Variants in B4GALT6 observed in about 807,000 individuals in gnomAD.
The protein encoded by B4GALT6 is UDP-Gal:beta-GlcNAc beta-1,4-galactosyltransferase 6.
A neutral mutation model predicts 46.3 loss-of-function variants in B4GALT6; 14 were observed. The observed-to-expected ratio is 0.30, with a 90% CI of 0.20 to 0.47. The LOEUF is 0.47. B4GALT6 is among the 20% of genes least tolerant of loss of function. B4GALT6 has a pLI of 0.99. For missense variants in B4GALT6, 386 were observed against 480.1 expected (o/e 0.80, Z 1.83); for synonymous variants, 168 against 162.0 (o/e 1.04, Z -0.28).
intron 1 of B4GALT6, among the ~76,000 whole-genome samples, chr18:31,681,915 T>C (rs1473326025): frequency 5.3e-5 from 8 of 152,236 alleles, no homozygotes; most frequent in African/African-American, 1.9e-4. Flanking sequence ...CAGGCTAAAA[T>C]ATGAATTATT....
chr18:31,645,628 C>T (rs1229653202), intron 3 of B4GALT6, 149 bp from the exon 4 acceptor site: 2 of 676,856 alleles, frequency 3.0e-6, no homozygotes, highest in Non-Finnish European at 4.7e-6. Flanking sequence ...ATGAATAGCG[C>T]TCCCTTTCAC....
chr18:31,709,434 C>CATATATATATATATATATATAT, the B4GALT6 span, among the ~76,000 whole-genome samples: 55 of 130,940 alleles, frequency 4.2e-4, no homozygotes, highest in African/African-American at 1.6e-3. Context: ...GCAATTCATA[C>CATATATATATATATATATATAT]ATATATATAT....
At chr18:31,696,553 T>G in the B4GALT6 span, among the ~76,000 whole-genome samples, 1 of 152,226 alleles carries the variant, frequency 6.6e-6, no homozygotes. Context: ...TCTAAAATTA[T>G]TGGTGTCTGT....
chr18:31,690,591 C>T (rs2030075211), upstream of B4GALT6, among the ~76,000 whole-genome samples: 5 of 152,252 alleles, frequency 3.3e-5, no homozygotes, highest in South Asian at 1.0e-3. Flanking sequence ...TGGCCTCAGC[C>T]TCCCAAGTAG....
At chr18:31,669,198 G>C (rs1197071543) in intron 1 of B4GALT6, among the ~76,000 whole-genome samples, 1 of 152,092 alleles carries the variant, frequency 6.6e-6, no homozygotes, top group Non-Finnish European at 1.5e-5. Flanking sequence ...GTTTCATTGA[G>C]ATATTCAAAT....
At chr18:31,654,549 C>A (rs2074115357) in intron 3 of B4GALT6, among the ~76,000 whole-genome samples, 1 of 152,182 alleles carries the variant, frequency 6.6e-6, no homozygotes. Flanking sequence ...ATGTATGAAA[C>A]ACATTTTATC....
At chr18:31,690,798 A>C (rs942967031), upstream of B4GALT6, among the ~76,000 whole-genome samples, 7 of 152,062 alleles carry the variant, frequency 4.6e-5, no homozygotes, top group African/African-American at 1.7e-4. Flanking sequence ...TTAAAAAGTC[A>C]TTTTCTTACT....
the B4GALT6 span, among the ~76,000 whole-genome samples, chr18:31,706,239 C>T: frequency 6.6e-6 from 1 of 152,058 alleles, no homozygotes; most frequent in African/African-American, 2.4e-5. Context: ...ATTCATAATA[C>T]ATACAGGCAA....
chr18:31,679,813 T>C (rs1247969751), intron 1 of B4GALT6, among the ~76,000 whole-genome samples: 1 of 152,190 alleles, frequency 6.6e-6, no homozygotes, highest in African/African-American at 2.4e-5. Context: ...TATTAATAGC[T>C]ACCTGAATGT....
chr18:31,720,865 T>G, the B4GALT6 span, among the ~76,000 whole-genome samples: 1 of 152,146 alleles, frequency 6.6e-6, no homozygotes, highest in Non-Finnish European at 1.5e-5. Flanking sequence ...ATCTGGGATA[T>G]GCAGGCTTTG....
In B4GALT6 at chr18:31,638,652, T is replaced by C. The variant is rs1216027815; in HGVS notation, c.580A>G (p.Ile194Val). The change falls in exon 5 of 9, where the codon ATT (isoleucine) becomes GTT (valine). Residue 194 changes from isoleucine to valine, a missense_variant. Around this residue, in one of 2 missense-constraint regions of B4GALT6, gnomAD observed 323 missense variants for 438.9 expected, o/e 0.74. Coordinates refer to ENST00000306851, the MANE Select transcript of B4GALT6 (RefSeq NM_004775.5). ...KQRLEFAFYV[I>V]EQTGTQPFNR... ...ATGAAAAGTATTCTCACCTGTTCAA[T>C]GACATAAAACGCAAATTCCAGCCGC... The C allele has an allele frequency of 1.2e-6, 2 of 1,611,230 alleles. No individual in the cohort carries two copies. Among genetic ancestry groups the C allele is most frequent in the Non-Finnish European group, 1.7e-6 (2 of 1,177,536 alleles).
At chr18:31,685,073 G>A (rs2074530361), upstream of B4GALT6, among the ~76,000 whole-genome samples, 1 of 146,024 alleles carries the variant, frequency 6.8e-6, no homozygotes, top group Non-Finnish European at 1.5e-5. Context: ...CGCCTGCACC[G>A]AGCCGCCTCC....
chr18:31,648,371 C>A (rs886790200), intron 3 of B4GALT6, among the ~76,000 whole-genome samples: 3 of 152,106 alleles, frequency 2.0e-5, no homozygotes, highest in Non-Finnish European at 4.4e-5. Flanking sequence ...CTGAATTTCA[C>A]TATTTTGAAG....
intron 5 of B4GALT6, among the ~76,000 whole-genome samples, chr18:31,637,437 C>T (rs1288086363): frequency 6.9e-6 from 1 of 145,932 alleles, no homozygotes; most frequent in Non-Finnish European, 1.5e-5. Flanking sequence ...TGCATATTTA[C>T]TTACCAACTG....
intron 7 of B4GALT6, 89 bp from the exon 8 acceptor site, chr18:31,626,473 C>G: frequency 2.9e-6 from 2 of 694,158 alleles, no homozygotes; most frequent in Non-Finnish European, 4.6e-6. Flanking sequence ...CAAAAGAATG[C>G]TCTAATCCAG....
At chr18:31,647,567 G>C (rs954039360) in intron 3 of B4GALT6, among the ~76,000 whole-genome samples, 1 of 152,150 alleles carries the variant, frequency 6.6e-6, no homozygotes, top group Non-Finnish European at 1.5e-5. Context: ...CTCATTGAAG[G>C]CTAAAGATTG....
chr18:31,670,428 G>GATGA (rs10628906), intron 1 of B4GALT6, among the ~76,000 whole-genome samples: 101,546 of 151,570 alleles, frequency 0.67, 34,148 homozygotes, highest in South Asian at 0.8. Context: ...CTATTCATTA[G>GATGA]ATGAAGACCA....
At chr18:31,653,020 CTTTT>C (rs766019120) in intron 3 of B4GALT6, among the ~76,000 whole-genome samples, 1 of 141,524 alleles carries the variant, frequency 7.1e-6, no homozygotes, top group Non-Finnish European at 1.5e-5. Flanking sequence ...TTTATTTTTG[CTTTT>C]TTTTTTTTTG....
At chr18:31,693,310 C>A in the B4GALT6 span, among the ~76,000 whole-genome samples, 1 of 152,176 alleles carries the variant, frequency 6.6e-6, no homozygotes, top group African/African-American at 2.4e-5. Context: ...CACAAGTACA[C>A]CGGTACATCA....
Sources: gnomAD v4.1 joint callset for allele counts (sites outside exome capture counted in the v4.1 genomes callset) on GRCh38, gnomAD v4.1.1 for gene constraint, gnomAD v4.1.1 regional missense constraint, MANE v1.5 for transcripts, NCBI Gene and HGNC (gene_info 2026-07-23, HGNC 2026-07-21) for gene names.